Variants in KLF8 observed in about 807,000 individuals in gnomAD.
KLF8 encodes the protein Krueppel-like factor 8.
Under a neutral mutation model 18.2 loss-of-function variants are expected in KLF8, and 10 were observed. The observed-to-expected ratio is 0.55, with a 90% CI of 0.34 to 0.93. The LOEUF is 0.93. KLF8 is among the 40% of genes least tolerant of loss of function. KLF8 has a pLI of 0.02. For missense variants in KLF8, 264 were observed against 277.9 expected, an observed-to-expected ratio of 0.95 and a Z score of 0.36; for synonymous variants, 109 against 97.3, an observed-to-expected ratio of 1.12 and a Z score of -0.71.
chrX:56,228,995 A>T (rs774122846), upstream of KLF8, among the ~76,000 whole-genome samples: 4 of 110,747 alleles, frequency 3.6e-5, no homozygotes, highest in South Asian at 7.8e-4. Flanking sequence ...CTCCCCTCCC[A>T]TCTACCCACC....
the KLF8 span, among the ~76,000 whole-genome samples, chrX:56,053,227 C>G: frequency 1.8e-5 from 2 of 112,417 alleles, no homozygotes; most frequent in African/African-American, 6.5e-5. Context: ...TCACTGTCCT[C>G]TGCGTCGCTC....
At chrX:56,058,287 T>TATAC in the KLF8 span, among the ~76,000 whole-genome samples, 1 of 40,533 alleles carries the variant, frequency 2.5e-5, no homozygotes, top group Non-Finnish European at 5.4e-5. Flanking sequence ...TACATATATA[T>TATAC]ATATATATAT....
At position 56,232,915 on chromosome X, in the gene KLF8, T is replaced by C. The variant is rs770648139; in HGVS notation, c.-420T>C. 66 of 145,554 alleles carry C rather than the reference T, an allele frequency of 4.5e-4. No homozygotes were observed. The South Asian group carries it at 6.9e-3, about 15-fold the overall frequency. The allele number at this position is 145,554 out of a possible 1,213,427, so 12.0% of individuals were successfully genotyped here. A position where few individuals can be genotyped will look rare whatever the true frequency, so the allele number is the denominator to read the frequency against. ...GGTGGAGAGCGGGCTTGGCCGGAAC[T>C]GAATTGGTAGAGGTAAAAGGGGAAC... On this transcript the variant is annotated 5_prime_UTR_variant, in exon 1 of 6. Transcript: ENST00000468660.
the KLF8 span, among the ~76,000 whole-genome samples, chrX:55,966,154 C>T: frequency 8.9e-6 from 1 of 112,549 alleles, no homozygotes; most frequent in Admixed American, 9.4e-5. Context: ...AGGTTTTTGA[C>T]TCCAGTCCCT....
the KLF8 span, among the ~76,000 whole-genome samples, chrX:56,102,547 G>T: frequency 6.3e-5 from 7 of 110,894 alleles, no homozygotes; most frequent in African/African-American, 2.3e-4. Context: ...ATTTCTTTGG[G>T]CAGTATGGCC....
the KLF8 span, among the ~76,000 whole-genome samples, chrX:56,213,274 C>CTTTTG: frequency 5.7e-5 from 3 of 52,242 alleles, no homozygotes; most frequent in Non-Finnish European, 1.1e-4. Flanking sequence ...ATTTCTTTTT[C>CTTTTG]TTTTGTTTTC....
the KLF8 span, among the ~76,000 whole-genome samples, chrX:56,214,319 C>A: frequency 3.6e-5 from 4 of 112,331 alleles, no homozygotes; most frequent in African/African-American, 9.7e-5. Flanking sequence ...CCTAGAATTT[C>A]TCTGCCTCCT....
At chrX:56,200,910 A>G in the KLF8 span, among the ~76,000 whole-genome samples, 1 of 111,813 alleles carries the variant, frequency 8.9e-6, no homozygotes, top group Non-Finnish European at 1.9e-5. Flanking sequence ...CAAAATCACA[A>G]TAATATATCA....
At chrX:56,230,596 T>C (rs995008512), upstream of KLF8, among the ~76,000 whole-genome samples, 1 of 111,689 alleles carries the variant, frequency 9.0e-6, no homozygotes, top group African/African-American at 3.3e-5. Flanking sequence ...TGCATGTGTA[T>C]TTATTTAACC....
chrX:56,170,920 A>G, the KLF8 span, among the ~76,000 whole-genome samples: 2 of 112,068 alleles, frequency 1.8e-5, no homozygotes, highest in African/African-American at 6.5e-5. Flanking sequence ...TGAAGAAAGC[A>G]TCCTAAAAGC....
chrX:56,017,184 T>C, the KLF8 span, among the ~76,000 whole-genome samples: 1 of 112,424 alleles, frequency 8.9e-6, no homozygotes, highest in African/African-American at 3.2e-5. Flanking sequence ...TTATTAATTT[T>C]TCCCTGTAAC....
chrX:56,045,227 G>T, the KLF8 span, among the ~76,000 whole-genome samples: 1 of 111,594 alleles, frequency 9.0e-6, no homozygotes, highest in South Asian at 3.8e-4. Context: ...CTTTATTTCT[G>T]TGTACTTTAT....
At chrX:56,173,924 G>C in the KLF8 span, among the ~76,000 whole-genome samples, 1 of 111,855 alleles carries the variant, frequency 8.9e-6, no homozygotes, top group African/African-American at 3.2e-5. Flanking sequence ...GAGAATGCTT[G>C]TGATTTTTGC....
At chrX:55,915,096 G>C in the KLF8 span, among the ~76,000 whole-genome samples, 6 of 110,305 alleles carry the variant, frequency 5.4e-5, no homozygotes, top group Non-Finnish European at 9.5e-5. Flanking sequence ...GTACTTTGTG[G>C]GAGTCTGGAC....
the KLF8 span, among the ~76,000 whole-genome samples, chrX:56,189,509 G>A: frequency 1.8e-5 from 2 of 110,825 alleles, no homozygotes; most frequent in Non-Finnish European, 3.8e-5. Context: ...ACCCAGCCAT[G>A]CCATTACTGG....
intron 5 of KLF8, among the ~76,000 whole-genome samples, chrX:56,270,783 A>T (rs2067046536): frequency 9.0e-6 from 1 of 110,705 alleles, no homozygotes; most frequent in South Asian, 3.9e-4. Context: ...TAATCCACTA[A>T]CCATTAACGT....
chrX:56,082,190 C>A, the KLF8 span, among the ~76,000 whole-genome samples: 3 of 111,817 alleles, frequency 2.7e-5, no homozygotes, highest in Non-Finnish European at 5.6e-5. Flanking sequence ...ACAGGTTGTG[C>A]ATTTCTATGA....
chrX:56,093,015 G>GA, the KLF8 span, among the ~76,000 whole-genome samples: 511 of 87,211 alleles, frequency 5.9e-3, 1 homozygote, highest in South Asian at 0.018. Flanking sequence ...GAAAATGAAT[G>GA]AAAAAAAAAA....
chrX:56,032,692 A>G, the KLF8 span, among the ~76,000 whole-genome samples: 1 of 112,150 alleles, frequency 8.9e-6, no homozygotes, highest in Non-Finnish European at 1.9e-5. Context: ...GTAGTTTTCT[A>G]TTGTATGAAT....
Sources: gnomAD v4.1 joint callset for allele counts (sites outside exome capture counted in the v4.1 genomes callset) on GRCh38, gnomAD v4.1.1 for gene constraint, MANE v1.5 for transcripts, NCBI Gene and HGNC (gene_info 2026-07-23, HGNC 2026-07-21) for gene names.